Variants in MSH3 observed in about 807,000 individuals in gnomAD.
MSH3 encodes DNA mismatch repair protein Msh3.
Under a neutral mutation model 123.3 loss-of-function variants are expected in MSH3, and 106 were observed. That is an observed-to-expected ratio of 0.86 (90% confidence interval 0.73 to 1.01). MSH3 has a LOEUF of 1.01. Ranked by LOEUF, MSH3 falls within the 50% of genes least tolerant of loss-of-function variation. The pLI is 0.00. For missense variants in MSH3, 1,459 were observed against 1,347.6 expected, an observed-to-expected ratio of 1.08 and a Z score of -1.29; for synonymous variants, 515 against 481.4, an observed-to-expected ratio of 1.07 and a Z score of -0.91.
chr5:80,670,237 G>A lies in MSH3; in HGVS notation c.720G>A (p.Lys240=), dbSNP rs1805130. The A allele has an allele frequency of 6.2e-7, 1 of 1,614,062 alleles. No individual in the cohort carries two copies. The highest frequency in any genetic ancestry group is 1.1e-5 in the South Asian group (1 of 91,080). ...TAGAATTACAATACATAGAAATGAA[G>A]CAGCAGCACAAAGATGCAGTTTTGT... The part of the protein sequence containing the change: ...TPLELQYIEM[K]QQHKDAVLCV... The change falls in exon 4 of 24, where the codon AAG becomes AAA. Residue 240 remains lysine (K), a synonymous_variant. Transcript: ENST00000265081.
rs114051958 is a variant in MSH3, at chr5:80,826,179, T to C, written c.2813+12438T>C. On this transcript the variant is annotated intron_variant, in intron 20 of 23. Transcript: ENST00000265081. ...CTTTCACACATCTTTTTAATTGGAA[T>C]CTCCAAGGTGGTACACAAGAATTAG... Among the ~76,000 whole-genome samples, 701 of 152,320 alleles carry C rather than the reference T, an allele frequency of 4.6e-3. 5 individuals are homozygous for C. Among genetic ancestry groups the C allele is most frequent in the African/African-American group, 0.016 (678 of 41,570 alleles).
chr5:80,668,776 G>A (rs545602960), intron 3 of MSH3, among the ~76,000 whole-genome samples: 47 of 152,238 alleles, frequency 3.1e-4, no homozygotes, highest in African/African-American at 1.0e-3. Flanking sequence ...CCAGGAGGGT[G>A]GGGCTCCTGC....
At position 80,707,823 on chromosome 5, in the gene MSH3, G is replaced by C. The variant is rs982979666; in HGVS notation, c.1341-17630G>C. On this transcript the variant is annotated intron_variant, in intron 8 of 23. Transcript: ENST00000265081. ...TCAGCAGTGTGTGAGAGCTGTAGTTGCTCCACATTCTTGCTGACTCTTGTC... is the reference window on the plus strand; with the variant it reads ...TCAGCAGTGTGTGAGAGCTGTAGTTCCTCCACATTCTTGCTGACTCTTGTC... 9.8e-5 allele frequency among the ~76,000 whole-genome samples: 15 copies of C among 152,298 alleles called. No homozygotes were observed. The South Asian group carries it at 2.7e-3, about 27-fold the overall frequency.
chr5:80,732,762 A>G (rs1389524795), intron 10 of MSH3, among the ~76,000 whole-genome samples: 4 of 152,148 alleles, frequency 2.6e-5, no homozygotes, highest in Admixed American at 6.5e-5. Flanking sequence ...AATGTAATCT[A>G]CCTTATCAAA....
intron 10 of MSH3, among the ~76,000 whole-genome samples, chr5:80,729,185 G>A (rs1302989688): frequency 5.9e-5 from 9 of 152,010 alleles, no homozygotes. Flanking sequence ...GGAGGCCGAG[G>A]CGGGCAGATC....
intron 19 of MSH3, among the ~76,000 whole-genome samples, chr5:80,793,147 G>C (rs1237877420): frequency 6.6e-6 from 1 of 152,142 alleles, no homozygotes; most frequent in East Asian, 1.9e-4. Context: ...CCATAGTTTT[G>C]CAAATTCATG....
At chr5:80,810,649 A>G (rs1220107521) in intron 19 of MSH3, among the ~76,000 whole-genome samples, 1 of 152,148 alleles carries the variant, frequency 6.6e-6, no homozygotes, top group East Asian at 1.9e-4. Flanking sequence ...TCCACTGGTT[A>G]GATATGTATG....
intron 20 of MSH3, among the ~76,000 whole-genome samples, chr5:80,850,149 A>G (rs1260170232): frequency 6.6e-6 from 1 of 152,192 alleles, no homozygotes; most frequent in South Asian, 2.1e-4. Flanking sequence ...CCAGTTTCCA[A>G]CAAGTTCCTC....
chr5:80,859,955 T>C (rs143240475), intron 21 of MSH3, among the ~76,000 whole-genome samples: 2 of 152,196 alleles, frequency 1.3e-5, no homozygotes, highest in African/African-American at 2.4e-5. Flanking sequence ...GTTTGCAATA[T>C]ACGTTTGCAA....
intron 8 of MSH3, among the ~76,000 whole-genome samples, chr5:80,722,517 T>C (rs778574734): frequency 6.6e-6 from 1 of 152,202 alleles, no homozygotes; most frequent in Non-Finnish European, 1.5e-5. Context: ...CAGCAGTCTT[T>C]TATTTGTATA....
chr5:80,809,960 T>C (rs1415864826), intron 19 of MSH3, among the ~76,000 whole-genome samples: 2 of 152,002 alleles, frequency 1.3e-5, no homozygotes, highest in African/African-American at 2.4e-5. Context: ...AACAGACACC[T>C]ATTTACCCAT....
At chr5:80,687,529 T>C (rs1750120144) in intron 8 of MSH3, among the ~76,000 whole-genome samples, 1 of 151,754 alleles carries the variant, frequency 6.6e-6, no homozygotes. Context: ...GGAGGTGGGG[T>C]AGGCTGGTAC....
chr5:80,829,162 T>C (rs1336179803), intron 20 of MSH3, among the ~76,000 whole-genome samples: 1 of 152,204 alleles, frequency 6.6e-6, no homozygotes, highest in East Asian at 1.9e-4. Context: ...TACTGTTACA[T>C]TGGAGATTAA....
rs1380044382 is a variant in MSH3 at position 80,864,928 on chromosome 5, G to A, written c.3116G>A (p.Ser1039Asn). The A allele has an allele frequency of 1.2e-6, 2 of 1,613,784 alleles. No homozygotes were observed. Among genetic ancestry groups the A allele is most frequent in the Non-Finnish European group, 1.7e-6 (2 of 1,179,834 alleles). The change falls in exon 22 of 24, where the codon AGC becomes AAC. Residue 1039 changes from serine (S) to asparagine (N), a missense_variant. Ser to Asn is a conservative substitution (Grantham distance 46, BLOSUM62 1). Coordinates refer to ENST00000265081, the MANE Select transcript of MSH3 (RefSeq NM_002439.5). ...GGATTCTTGGTCAGTGAGGATGAAA[G>A]CAAACTGGATCCAGGTATGAAATAT... The part of the protein sequence containing the change: ...HMGFLVSEDE[S>N]KLDPGAAEQV...
chr5:80,784,290 A>T (rs1744465768), intron 17 of MSH3, among the ~76,000 whole-genome samples: 1 of 151,362 alleles, frequency 6.6e-6, no homozygotes, highest in Admixed American at 6.6e-5. Context: ...AGGAATAACA[A>T]GGCAAAGTCA....
At chr5:80,789,128 C>T (rs1349854977) in intron 18 of MSH3, among the ~76,000 whole-genome samples, 1 of 152,116 alleles carries the variant, frequency 6.6e-6, no homozygotes. Flanking sequence ...TAAATCATAT[C>T]AGTGTCATGA....
At chr5:80,690,178 C>T (rs1439523239) in intron 8 of MSH3, among the ~76,000 whole-genome samples, 1 of 152,050 alleles carries the variant, frequency 6.6e-6, no homozygotes, top group Non-Finnish European at 1.5e-5. Flanking sequence ...CTCAGCCTTG[C>T]GAGTTCTTGG....
chr5:80,754,364 G>A (rs1009777885), intron 12 of MSH3, among the ~76,000 whole-genome samples: 4 of 152,078 alleles, frequency 2.6e-5, no homozygotes, highest in African/African-American at 9.7e-5. Context: ...GTACTTGGCT[G>A]TTTTCCCTTA....
intron 20 of MSH3, among the ~76,000 whole-genome samples, chr5:80,827,060 G>T (rs562026196): frequency 1.3e-5 from 2 of 152,112 alleles, no homozygotes; most frequent in African/African-American, 4.8e-5. Flanking sequence ...ACTGAGATAA[G>T]ATCTGTTTAT....
Sources: allele counts gnomAD v4.1 joint callset (sites outside exome capture counted in the v4.1 genomes callset), GRCh38; gene constraint gnomAD v4.1.1; transcripts MANE v1.5; gene names NCBI Gene and HGNC (gene_info 2026-07-23, HGNC 2026-07-21).